COMMD10: variants seen among roughly 807,000 people sequenced by gnomAD.
COMMD10 encodes COMM domain-containing protein 10.
In COMMD10, 33 loss-of-function variants were observed where a neutral mutation model predicts 28.9. The observed-to-expected ratio is 1.14, with a 90% CI of 0.87 to 1.53. The LOEUF is 1.53. Among genes scored for constraint, COMMD10 ranks in the 40% most tolerant of loss-of-function variants. The probability of loss-of-function intolerance (pLI) is 0.00; values close to 1 mark genes in which losing one functional copy is unlikely to be tolerated. For synonymous variants in COMMD10, 110 were observed against 81.7 expected (o/e 1.35, Z -1.87); for missense variants, 310 against 233.4 (o/e 1.33, Z -2.14).
chr5:116,288,421 G>T (rs1442183423), intron 5 of COMMD10, among the ~76,000 whole-genome samples: 1 of 151,732 alleles, frequency 6.6e-6, no homozygotes, highest in East Asian at 1.9e-4. Flanking sequence ...TCTTAGTATG[G>T]TTATCTTTGG....
chr5:116,173,838 G>GTTTT (rs201419186), intron 5 of COMMD10, among the ~76,000 whole-genome samples: 1 of 118,924 alleles, frequency 8.4e-6, no homozygotes, highest in African/African-American at 3.7e-5. Flanking sequence ...GTTTTGTTTT[G>GTTTT]TTTTGTTTTT....
intron 5 of COMMD10, among the ~76,000 whole-genome samples, chr5:116,170,035 G>A (rs1040320210): frequency 2.0e-5 from 3 of 152,156 alleles, no homozygotes; most frequent in Non-Finnish European, 2.9e-5. Flanking sequence ...AATAGGAAGA[G>A]AGGAAGTAAA....
At chr5:116,167,947 C>G (rs1488383722) in intron 5 of COMMD10, among the ~76,000 whole-genome samples, 1 of 152,078 alleles carries the variant, frequency 6.6e-6, no homozygotes, top group Non-Finnish European at 1.5e-5. Flanking sequence ...TAACCAGCTA[C>G]TGTCATAATA....
At chr5:116,286,642 T>A (rs1187815374) in intron 5 of COMMD10, among the ~76,000 whole-genome samples, 3 of 151,752 alleles carry the variant, frequency 2.0e-5, no homozygotes, top group African/African-American at 7.3e-5. Flanking sequence ...TGAGAATGTG[T>A]TTAATTTCCA....
rs143964154 is a variant in COMMD10 at position 116,225,353 on chromosome 5, G to GTTTTTTTTTTTTTTTTTTTTTTT, written c.511-66164_511-66163insTTTTTTTTTTTTTTTTTTTTTTT. Among the ~76,000 whole-genome samples the GTTTTTTTTTTTTTTTTTTTTTTT allele has an allele frequency of 5.1e-5, 6 of 116,512 alleles. 3 individuals carry two copies. The highest frequency in any genetic ancestry group is 1.0e-4 in the Non-Finnish European group (6 of 58,966). The allele number at this position is 116,512 out of a possible 152,430, so 76.4% of individuals were successfully genotyped here. A position where few individuals can be genotyped will look rare whatever the true frequency, so the allele number is the denominator to read the frequency against. On this transcript the variant is annotated intron_variant, in intron 5 of 6. Coordinates refer to ENST00000274458, the MANE Select transcript of COMMD10 (RefSeq NM_016144.4). ...AGACTTTCCTGTTTGTTTTTTTGGG[G>GTTTTTTTTTTTTTTTTTTTTTTT]ATTTTTTTTTTTTTTTTTGCATATG...
At chr5:116,110,368 G>A (rs190788563) in intron 4 of COMMD10, among the ~76,000 whole-genome samples, 16 of 152,260 alleles carry the variant, frequency 1.1e-4, no homozygotes, top group Non-Finnish European at 2.2e-4. Flanking sequence ...TTGGTATTGG[G>A]ATGATACTGG....
intron 5 of COMMD10, among the ~76,000 whole-genome samples, chr5:116,140,235 G>GTGTGTGTGTGTGTGTGTA (rs1370930750): frequency 6.6e-6 from 1 of 150,938 alleles, no homozygotes; most frequent in Non-Finnish European, 1.5e-5. Flanking sequence ...ACTACTATGT[G>GTGTGTGTGTGTGTGTGTA]TGTGTGTGTG....
chr5:116,209,822 A>G (rs1748912896), intron 5 of COMMD10, among the ~76,000 whole-genome samples: 1 of 152,110 alleles, frequency 6.6e-6, no homozygotes, highest in African/African-American at 2.4e-5. Context: ...ATTGTCAGCT[A>G]CTCATTCACA....
intron 5 of COMMD10, among the ~76,000 whole-genome samples, chr5:116,157,296 C>T (rs1580500131): frequency 6.6e-6 from 1 of 152,060 alleles, no homozygotes; most frequent in East Asian, 1.9e-4. Context: ...AATAACATAC[C>T]ATTTCAAAAT....
chr5:116,109,852 T>C (rs1017101696), intron 4 of COMMD10, among the ~76,000 whole-genome samples: 2 of 152,218 alleles, frequency 1.3e-5, no homozygotes, highest in Non-Finnish European at 2.9e-5. Context: ...TCTTTTCCCA[T>C]TTAGAAGCCT....
intron 5 of COMMD10, among the ~76,000 whole-genome samples, chr5:116,268,648 A>G (rs927154344): frequency 2.6e-5 from 4 of 151,710 alleles, no homozygotes; most frequent in East Asian, 1.9e-4. Flanking sequence ...AGACACACAC[A>G]TATGTTTATT....
At chr5:116,220,730 G>A (rs1303476453) in intron 5 of COMMD10, among the ~76,000 whole-genome samples, 1 of 152,144 alleles carries the variant, frequency 6.6e-6, no homozygotes, top group Non-Finnish European at 1.5e-5. Context: ...TGTGGCACCT[G>A]TAGTTAATGC....
chr5:116,264,312 A>C (rs2112688964), intron 5 of COMMD10, among the ~76,000 whole-genome samples: 1 of 151,968 alleles, frequency 6.6e-6, no homozygotes, highest in African/African-American at 2.4e-5. Context: ...ATACGTATGA[A>C]GGCACAAAAG....
intron 5 of COMMD10, among the ~76,000 whole-genome samples, chr5:116,258,296 T>C (rs1023407389): frequency 1.3e-5 from 2 of 151,806 alleles, no homozygotes; most frequent in Non-Finnish European, 2.9e-5. Context: ...GCACACTTAC[T>C]CTCTTCCTCC....
intron 4 of COMMD10, among the ~76,000 whole-genome samples, chr5:116,117,651 A>C (rs935831949): frequency 6.6e-6 from 1 of 151,966 alleles, no homozygotes; most frequent in Non-Finnish European, 1.5e-5. Context: ...TTTTTAGTAG[A>C]GGTGGGGTTT....
intron 5 of COMMD10, among the ~76,000 whole-genome samples, chr5:116,206,796 C>G (rs1331230473): frequency 6.6e-6 from 1 of 152,064 alleles, no homozygotes. Context: ...AATAAGCAAA[C>G]CTCTTTGGCA....
chr5:116,152,227 T>C (rs1752552056), intron 5 of COMMD10, among the ~76,000 whole-genome samples: 1 of 152,182 alleles, frequency 6.6e-6, no homozygotes, highest in African/African-American at 2.4e-5. Flanking sequence ...AGAGACAGTT[T>C]GTTATAATTT....
Position 116,162,070 on chromosome 5 carries a change from C to A in COMMD10, c.510+27892C>A, listed in dbSNP as rs146105662. Among the ~76,000 whole-genome samples the A allele has an allele frequency of 2.6e-5, 4 of 152,266 alleles. No homozygotes were observed. The East Asian group carries it at 5.8e-4, about 22-fold the overall frequency. On this transcript the variant is annotated intron_variant, in intron 5 of 6. Coordinates refer to ENST00000274458, the MANE Select transcript of COMMD10 (RefSeq NM_016144.4). ...GACTGATTGTAATATATGTTGACCT[C>A]ATTTGATTTTAAAGTACAAGAAAAT...
At chr5:116,238,888 G>T (rs1225795407) in intron 5 of COMMD10, among the ~76,000 whole-genome samples, 1 of 152,092 alleles carries the variant, frequency 6.6e-6, no homozygotes, top group Non-Finnish European at 1.5e-5. Context: ...GTCTTCAGTT[G>T]TTTAGACGAA....
Sources: allele counts gnomAD v4.1 joint callset (sites outside exome capture counted in the v4.1 genomes callset), GRCh38; gene constraint gnomAD v4.1.1; transcripts MANE v1.5; gene names NCBI Gene and HGNC (gene_info 2026-07-23, HGNC 2026-07-21).